KCNIP4: variants seen among roughly 807,000 people sequenced by gnomAD.
KCNIP4 encodes potassium voltage-gated channel interacting protein 4.
A neutral mutation model predicts 34.0 loss-of-function variants in KCNIP4; 12 were observed. The observed-to-expected ratio is 0.35, with a 90% CI of 0.23 to 0.57. The LOEUF (loss-of-function observed/expected upper bound fraction) is 0.57, where lower values mean the gene tolerates loss of function less well. Ranked by LOEUF, KCNIP4 falls within the 20% of genes least tolerant of loss-of-function variation. KCNIP4 has a pLI of 0.83. For missense variants in KCNIP4, 238 were observed against 311.7 expected (o/e 0.76, Z 1.78); for synonymous variants, 124 against 102.2 (o/e 1.21, Z -1.29).
chr4:21,927,663 C>T lies in KCNIP4; in HGVS notation c.61+20908G>A, dbSNP rs553060551. Among the ~76,000 whole-genome samples the T allele has an allele frequency of 9.9e-5, 15 of 152,192 alleles. No homozygotes were observed. The South Asian group carries it at 2.3e-3, about 23-fold the overall frequency. On this transcript the variant is annotated intron_variant, in intron 1 of 8. Transcript: ENST00000382152. Reference sequence around the variant, plus strand: ...GGCTAGAGAATGAGTAACAAGTATTCGGTTTACTTTTTTACTTTCATGTGT... The same window carrying T: ...GGCTAGAGAATGAGTAACAAGTATTTGGTTTACTTTTTTACTTTCATGTGT...
chr4:21,672,453 C>T (rs1222320805), intron 1 of KCNIP4, among the ~76,000 whole-genome samples: 1 of 152,120 alleles, frequency 6.6e-6, no homozygotes, highest in African/African-American at 2.4e-5. Flanking sequence ...ACACCTATTC[C>T]TAGAATTGTT....
At chr4:20,827,344 C>T (rs1452364822) in intron 3 of KCNIP4, among the ~76,000 whole-genome samples, 1 of 152,076 alleles carries the variant, frequency 6.6e-6, no homozygotes, top group African/African-American at 2.4e-5. Context: ...GAGGTCTCTC[C>T]CCTTGACTTG....
chr4:21,036,711 C>T (rs570034983), intron 1 of KCNIP4, among the ~76,000 whole-genome samples: 4 of 152,252 alleles, frequency 2.6e-5, no homozygotes, highest in Non-Finnish European at 4.4e-5. Context: ...GGGGACAGAG[C>T]GAGACTCCGT....
chr4:20,761,401 C>G (rs1001914322), intron 3 of KCNIP4, among the ~76,000 whole-genome samples: 2 of 152,216 alleles, frequency 1.3e-5, no homozygotes, highest in African/African-American at 4.8e-5. Flanking sequence ...TACAGCTAAT[C>G]TCTCAAACAT....
rs936928595 is a variant in KCNIP4, at chr4:21,141,542, G to T, written c.62-258833C>A. ...AAAAAAATATGAAGAAGGAAAATTTGGTCTCTTCTCTGTAGACAATGAAAT... is the reference window on the plus strand; with the variant it reads ...AAAAAAATATGAAGAAGGAAAATTTTGTCTCTTCTCTGTAGACAATGAAAT... On this transcript the variant is annotated intron_variant, in intron 1 of 8. Coordinates refer to ENST00000382152, the MANE Select transcript of KCNIP4 (RefSeq NM_025221.6). 3.3e-5 allele frequency among the ~76,000 whole-genome samples: 5 copies of T among 152,006 alleles called. No homozygotes were observed. The East Asian group carries it at 5.8e-4, about 18-fold the overall frequency.
chr4:21,094,426 A>T (rs1205582756), intron 1 of KCNIP4, among the ~76,000 whole-genome samples: 1 of 152,214 alleles, frequency 6.6e-6, no homozygotes, highest in Admixed American at 6.5e-5. Flanking sequence ...AGCTCTGGTG[A>T]CGGCTAGAAG....
intron 2 of KCNIP4, among the ~76,000 whole-genome samples, chr4:20,868,010 AAGT>A (rs1723041020): frequency 1.8e-5 from 2 of 112,358 alleles, no homozygotes; most frequent in African/African-American, 8.3e-5. Context: ...CTAAAACTTA[AAGT>A]ATAATAATAA....
At chr4:20,870,151 G>T (rs553987905) in intron 2 of KCNIP4, among the ~76,000 whole-genome samples, 1 of 152,064 alleles carries the variant, frequency 6.6e-6, no homozygotes, top group African/African-American at 2.4e-5. Context: ...GTTTGGCTGC[G>T]TGTGCCCACC....
At chr4:21,467,163 T>C (rs1201565549) in intron 1 of KCNIP4, among the ~76,000 whole-genome samples, 1 of 151,736 alleles carries the variant, frequency 6.6e-6, no homozygotes, top group African/African-American at 2.4e-5. Context: ...ACTTTTCTTC[T>C]GGGTTTTGGA....
intron 1 of KCNIP4, among the ~76,000 whole-genome samples, chr4:21,882,709 A>G (rs757694829): frequency 1.8e-4 from 27 of 151,980 alleles, no homozygotes; most frequent in Admixed American, 2.0e-4. Flanking sequence ...GAAAGGGCAG[A>G]GGGAGTTTGA....
intron 1 of KCNIP4, among the ~76,000 whole-genome samples, chr4:21,662,067 C>T (rs1406745454): frequency 2.8e-4 from 42 of 152,094 alleles, no homozygotes; most frequent in Admixed American, 2.7e-3. Context: ...TTAGGGCTTC[C>T]TCACACCACC....
chr4:21,835,815 A>G lies in KCNIP4; in HGVS notation c.61+112756T>C, dbSNP rs575235104. Reference sequence around the variant, plus strand: ...ATCAAAAACAGAATGGATAAATCAAATGAGGCATATTTGATTCAATACAGT... The same window carrying G: ...ATCAAAAACAGAATGGATAAATCAAGTGAGGCATATTTGATTCAATACAGT... On this transcript the variant is annotated intron_variant, in intron 1 of 8. Transcript: ENST00000382152. Among the ~76,000 whole-genome samples the G allele has an allele frequency of 3.3e-5, 5 of 152,304 alleles. No individual in the cohort carries two copies. The South Asian group carries it at 1.0e-3, about 32-fold the overall frequency.
chr4:21,839,892 T>C (rs1032068510), intron 1 of KCNIP4, among the ~76,000 whole-genome samples: 1 of 152,184 alleles, frequency 6.6e-6, no homozygotes, highest in African/African-American at 2.4e-5. Context: ...TGGGTTATTA[T>C]GCAAGTAAGA....
At chr4:21,519,586 A>G (rs6821953) in intron 1 of KCNIP4, among the ~76,000 whole-genome samples, 325 of 21,720 alleles carry the variant, frequency 0.015, 40 homozygotes, top group Middle Eastern at 0.067. Context: ...ATGTGTGTGT[A>G]TGTATGTGTA....
intron 1 of KCNIP4, among the ~76,000 whole-genome samples, chr4:21,240,258 A>T (rs1451833332): frequency 6.7e-6 from 1 of 150,192 alleles, no homozygotes; most frequent in African/African-American, 2.5e-5. Context: ...TAGCATTAGG[A>T]GATATACCTA....
intron 1 of KCNIP4, among the ~76,000 whole-genome samples, chr4:21,560,695 A>G (rs747377850): frequency 4.9e-4 from 74 of 152,124 alleles, no homozygotes; most frequent in Non-Finnish European, 9.6e-4. Flanking sequence ...CATTTAATGC[A>G]TCAGCAATGA....
At chr4:21,580,900 TG>T (rs1741152496) in intron 1 of KCNIP4, among the ~76,000 whole-genome samples, 1 of 152,064 alleles carries the variant, frequency 6.6e-6, no homozygotes, top group Non-Finnish European at 1.5e-5. Context: ...TTTCTCCTTT[TG>T]TAAGGATATG....
intron 5 of KCNIP4, among the ~76,000 whole-genome samples, chr4:20,746,755 A>G (rs960054891): frequency 6.6e-6 from 1 of 152,162 alleles, no homozygotes; most frequent in South Asian, 2.1e-4. Flanking sequence ...CAAAATGGAG[A>G]TTAGATCCCA....
chr4:21,389,134 T>C (rs530130073), intron 1 of KCNIP4, among the ~76,000 whole-genome samples: 102 of 152,004 alleles, frequency 6.7e-4, no homozygotes, highest in Middle Eastern at 3.4e-3. Flanking sequence ...TATAGGTGTG[T>C]GCCACCATAC....
Sources: allele counts gnomAD v4.1 joint callset (sites outside exome capture counted in the v4.1 genomes callset), GRCh38; gene constraint gnomAD v4.1.1; transcripts MANE v1.5; gene names NCBI Gene and HGNC (gene_info 2026-07-23, HGNC 2026-07-21).